Variants in DNAJC7 observed in about 807,000 individuals in gnomAD.
DNAJC7 encodes dnaJ homolog subfamily C member 7.
DNAJC7 carries 18 observed loss-of-function variants against 67.4 expected under a neutral mutation model. The ratio of observed to expected loss-of-function variants is 0.27; its 90% CI spans 0.18 to 0.40. The LOEUF is 0.40. Ranked by LOEUF, DNAJC7 falls within the 10% of genes least tolerant of loss-of-function variation. The probability of loss-of-function intolerance (pLI) is 1.00; values close to 1 mark genes in which losing one functional copy is unlikely to be tolerated. For missense variants in DNAJC7, 419 were observed against 613.8 expected, an observed-to-expected ratio of 0.68 and a Z score of 3.35; for synonymous variants, 220 against 207.8, an observed-to-expected ratio of 1.06 and a Z score of -0.50.
At chr17:41,983,682 A>C (rs782265836) in intron 9 of DNAJC7, 46 bp from the exon 10 acceptor site, 34 of 1,538,942 alleles carry the variant, frequency 2.2e-5, no homozygotes, top group Non-Finnish European at 1.2e-5. Flanking sequence ...CATAAATAGC[A>C]GTGGTTCTCA....
chr17:41,997,836 G>A (rs908343816), intron 2 of DNAJC7, among the ~76,000 whole-genome samples: 2 of 152,028 alleles, frequency 1.3e-5, no homozygotes, highest in East Asian at 3.9e-4. Context: ...TTACAGGCAT[G>A]TGCCACCACG....
chr17:41,997,073 T>C, intron 3 of DNAJC7, 42 bp downstream of exon 3: 4 of 1,612,566 alleles, frequency 2.5e-6, no homozygotes, highest in Non-Finnish European at 3.4e-6. Flanking sequence ...AACTCAACTG[T>C]AGCAACCCAG....
At chr17:42,012,424 A>G (rs1555651159) in intron 1 of DNAJC7, among the ~76,000 whole-genome samples, 1 of 152,242 alleles carries the variant, frequency 6.6e-6, no homozygotes, top group East Asian at 1.9e-4. Flanking sequence ...CGGAGTTTGC[A>G]GTGAGCTGAG....
At position 41,976,602 on chromosome 17, in the gene DNAJC7, G is replaced by T. The variant is rs532804087; in HGVS notation, c.*131C>A. ...TCCACCCCACTCACAGAGACACAGG[G>T]CATCCAACTGAGAAAACGAAACTGC... is the stretch of plus-strand genomic sequence containing the variant. On this transcript the variant is annotated 3_prime_UTR_variant, in exon 14 of 14. Coordinates refer to ENST00000457167, the MANE Select transcript of DNAJC7 (RefSeq NM_003315.4). The T allele has an allele frequency of 3.4e-6, 4 of 1,168,358 alleles. No individual in the cohort carries two copies. In the Admixed American group the frequency reaches 1.1e-4, roughly 31 times the overall value. 72.4% of individuals were successfully genotyped at this position (1,168,358 alleles called of 1,614,324 possible).
intron 1 of DNAJC7, among the ~76,000 whole-genome samples, chr17:42,006,365 T>A (rs2051956029): frequency 6.6e-6 from 1 of 151,796 alleles, no homozygotes; most frequent in Non-Finnish European, 1.5e-5. Context: ...TATTTATTTA[T>A]TTAATTTTTG....
intron 10 of DNAJC7, among the ~76,000 whole-genome samples, chr17:41,983,127 TTTTG>T (rs782722236): frequency 5.9e-5 from 9 of 152,066 alleles, no homozygotes; most frequent in Middle Eastern, 3.4e-3. Context: ...TTTTTCTTTT[TTTTG>T]TTTTTGTTTT....
At chr17:41,992,723 C>T (rs1252913771) in intron 5 of DNAJC7, 3 of 152,180 alleles carry the variant, frequency 2.0e-5, no homozygotes, top group African/African-American at 7.2e-5. Context: ...CAGCTGCAGG[C>T]AAAGAAGATC....
intron 1 of DNAJC7, chr17:42,016,147 G>A (rs1410815914): frequency 6.6e-6 from 1 of 152,152 alleles, no homozygotes; most frequent in Non-Finnish European, 1.5e-5. Context: ...ACTTTGTCAG[G>A]CCCCTCAGCT....
intron 1 of DNAJC7, among the ~76,000 whole-genome samples, chr17:42,003,144 G>A (rs1555649682): frequency 1.3e-5 from 2 of 152,210 alleles, no homozygotes; most frequent in Non-Finnish European, 2.9e-5. Flanking sequence ...CATCAGGCCA[G>A]AATTAGCTAT....
Position 41,990,269 on chromosome 17 carries a change from C to T in DNAJC7, c.594G>A (p.Val198=). The T allele has an allele frequency of 1.2e-6, 2 of 1,607,692 alleles. No individual in the cohort carries two copies. Among genetic ancestry groups the T allele is most frequent in the South Asian group, 2.2e-5 (2 of 89,416 alleles). ...CAGCTAGCCTGACTGCATACCTAGC[C>T]ACAGACTGTGCTTCTGGATAACGAC... ...MLGRYPEAQS[V]ASDILRMDST... The change falls in exon 6 of 14, where the codon GTG becomes GTA. Residue 198 remains valine (V), a synonymous_variant. Coordinates refer to ENST00000457167, the MANE Select transcript of DNAJC7 (RefSeq NM_003315.4).
Position 41,982,415 on chromosome 17 carries a change from T to G in DNAJC7, c.1085-14A>C. 2 of 1,613,318 alleles carry G rather than the reference T, an allele frequency of 1.2e-6. No individual in the cohort carries two copies. The highest frequency in any genetic ancestry group is 2.2e-5 in the South Asian group (2 of 91,020). ...GCTGTTTGTGTTCTACAGGAAGACA[T>G]CTGGCATCAGTGGACAAATCTGACT... On this transcript the variant is annotated splice_polypyrimidine_tract_variant and intron_variant, in intron 10 of 13. Transcript: ENST00000457167.
At chr17:41,990,451 G>A in intron 5 of DNAJC7, 69 bp from the exon 6 acceptor site, 1 of 1,369,462 alleles carries the variant, frequency 7.3e-7, no homozygotes, top group Non-Finnish European at 1.0e-6. Flanking sequence ...CTTTAGTTTA[G>A]TCACAGGTAA....
chr17:42,016,314 G>A (rs188725234), intron 1 of DNAJC7: 30 of 152,234 alleles, frequency 2.0e-4, no homozygotes, highest in Admixed American at 2.0e-3. Context: ...CTACATCACC[G>A]CCTCAAATTA....
chr17:41,983,543 AC>A lies in DNAJC7; in HGVS notation c.1084+19del. 6.4e-7 allele frequency: 1 copy of A among 1,566,762 alleles called. No individual in the cohort carries two copies. The highest frequency in any genetic ancestry group is 1.2e-5 in the South Asian group (1 of 85,524). ...CGAAGTCCACACAGTTCCCTAAAAA[AC>A]AAATGCTTTTAAACTTACCTTTTGT... On this transcript the variant is annotated intron_variant, in intron 10 of 13. Transcript: ENST00000457167.
intron 1 of DNAJC7, among the ~76,000 whole-genome samples, chr17:42,001,249 C>T (rs2051799430): frequency 6.6e-6 from 1 of 152,168 alleles, no homozygotes; most frequent in Non-Finnish European, 1.5e-5. Context: ...GTTCCCTCTT[C>T]CCATCACAAC....
At chr17:42,015,023 A>G (rs1448152703) in intron 1 of DNAJC7, 1 of 152,006 alleles carries the variant, frequency 6.6e-6, no homozygotes, top group African/African-American at 2.4e-5. Flanking sequence ...TTTGTCACCC[A>G]GGCTGGAGTG....
Position 41,977,488 on chromosome 17 carries a change from C to T in DNAJC7, c.1385-165G>A, listed in dbSNP as rs1396111096. On this transcript the variant is annotated intron_variant, in intron 12 of 13. Transcript: ENST00000457167. ...CTGCAAGTGAGCAAACCTGCCCCATCCCGTGCAAAACATGCTACCTGATCC... is the reference window on the plus strand; with the variant it reads ...CTGCAAGTGAGCAAACCTGCCCCATTCCGTGCAAAACATGCTACCTGATCC... The T allele has an allele frequency of 8.3e-6, 5 of 600,560 alleles. No homozygotes were observed. The East Asian group carries it at 1.2e-4, about 14-fold the overall frequency. 37.2% of individuals were successfully genotyped at this position (600,560 alleles called of 1,614,324 possible).
chr17:41,977,483 C>T (rs967933967), intron 12 of DNAJC7, 160 bp from the exon 13 acceptor site: 1 of 615,724 alleles, frequency 1.6e-6, no homozygotes, highest in Non-Finnish European at 2.8e-6. Context: ...GCAAACCTGC[C>T]CCATCCCGTG....
At chr17:41,978,014 A>G (rs1429622337) in intron 12 of DNAJC7, among the ~76,000 whole-genome samples, 2 of 152,220 alleles carry the variant, frequency 1.3e-5, no homozygotes, top group African/African-American at 4.8e-5. Flanking sequence ...TACTTTGCAT[A>G]CATTACATTA....
Sources: allele counts gnomAD v4.1 joint callset (sites outside exome capture counted in the v4.1 genomes callset), GRCh38; gene constraint gnomAD v4.1.1; transcripts MANE v1.5; gene names NCBI Gene and HGNC (gene_info 2026-07-23, HGNC 2026-07-21).